Variants in GPC6 observed in about 807,000 individuals in gnomAD.
The protein encoded by GPC6 is glypican 6, also known as glypican-6.
In GPC6, 14 loss-of-function variants were observed where a neutral mutation model predicts 55.2. The observed-to-expected ratio is 0.25, with a 90% CI of 0.17 to 0.40. GPC6 has a LOEUF of 0.40. GPC6 is among the 10% of genes least tolerant of loss of function. The pLI is 1.00. For missense variants in GPC6, 641 were observed against 708.5 expected, an observed-to-expected ratio of 0.90 and a Z score of 1.08; for synonymous variants, 278 against 259.6, an observed-to-expected ratio of 1.07 and a Z score of -0.68.
chr13:93,579,424 A>C lies in GPC6; in HGVS notation c.319+34003A>C, dbSNP rs887646914. Among the ~76,000 whole-genome samples the C allele has an allele frequency of 4.6e-5, 7 of 152,178 alleles. No homozygotes were observed. The East Asian group carries it at 1.4e-3, about 29-fold the overall frequency. ...TAAAAATAGCTCAGAAATATAATAT[A>C]GGAAAAGAAGAAGAAGGAGGAGAAA... On this transcript the variant is annotated intron_variant, in intron 2 of 8. Transcript: ENST00000377047.
chr13:94,090,600 T>C (rs766582206), intron 4 of GPC6, among the ~76,000 whole-genome samples: 5 of 152,220 alleles, frequency 3.3e-5, no homozygotes, highest in Non-Finnish European at 7.3e-5. Flanking sequence ...ATTTGCAAAC[T>C]GTTCTTTTGT....
At chr13:93,318,480 T>G (rs1302375868) in intron 1 of GPC6, among the ~76,000 whole-genome samples, 1 of 152,094 alleles carries the variant, frequency 6.6e-6, no homozygotes, top group Non-Finnish European at 1.5e-5. Context: ...CATGGTAACA[T>G]GAGCAAATAT....
chr13:93,939,067 A>C (rs1384110488), intron 3 of GPC6, among the ~76,000 whole-genome samples: 1 of 152,100 alleles, frequency 6.6e-6, no homozygotes, highest in African/African-American at 2.4e-5. Flanking sequence ...GTGCCACTGC[A>C]CTCTGGCCTG....
At chr13:94,354,347 A>G (rs1220184144) in intron 6 of GPC6, among the ~76,000 whole-genome samples, 1 of 143,852 alleles carries the variant, frequency 7.0e-6, no homozygotes, top group Non-Finnish European at 1.5e-5. Context: ...CAAAAAAGAT[A>G]CAAAAAAAAA....
intron 2 of GPC6, among the ~76,000 whole-genome samples, chr13:93,642,062 A>G (rs982926517): frequency 6.6e-6 from 1 of 152,008 alleles, no homozygotes; most frequent in Admixed American, 6.6e-5. Flanking sequence ...GCTATATTGC[A>G]TGATATTGAG....
chr13:93,742,930 A>T (rs1884259579), intron 2 of GPC6, among the ~76,000 whole-genome samples: 1 of 123,288 alleles, frequency 8.1e-6, no homozygotes, highest in Non-Finnish European at 1.8e-5. Flanking sequence ...CACTATGGAA[A>T]AATGAGTGGG....
At chr13:93,237,009 A>G (rs571837712) in intron 1 of GPC6, among the ~76,000 whole-genome samples, 1 of 152,002 alleles carries the variant, frequency 6.6e-6, no homozygotes, top group South Asian at 2.1e-4. Context: ...TGCAATTGTG[A>G]GTTGTGTTGT....
At chr13:93,658,704 T>C (rs1378384970) in intron 2 of GPC6, among the ~76,000 whole-genome samples, 1 of 151,836 alleles carries the variant, frequency 6.6e-6, no homozygotes, top group Non-Finnish European at 1.5e-5. Flanking sequence ...ATATTGTCAG[T>C]ATTTAGTTAT....
chr13:93,228,010 G>A (rs1463406298), intron 1 of GPC6, among the ~76,000 whole-genome samples: 1 of 152,178 alleles, frequency 6.6e-6, no homozygotes, highest in African/African-American at 2.4e-5. Context: ...TGGAAGAACT[G>A]CGACCGCAGT....
intron 2 of GPC6, among the ~76,000 whole-genome samples, chr13:93,685,109 A>G (rs1338893952): frequency 6.6e-6 from 1 of 152,226 alleles, no homozygotes; most frequent in Non-Finnish European, 1.5e-5. Context: ...GTTACTACAG[A>G]GAACTATTTT....
At chr13:94,162,454 G>T (rs1888201316) in intron 4 of GPC6, among the ~76,000 whole-genome samples, 1 of 152,168 alleles carries the variant, frequency 6.6e-6, no homozygotes, top group African/African-American at 2.4e-5. Context: ...TTCTGTCTCA[G>T]AATGGGACTG....
At chr13:93,699,030 C>T (rs1318117441) in intron 2 of GPC6, among the ~76,000 whole-genome samples, 1 of 151,990 alleles carries the variant, frequency 6.6e-6, no homozygotes, top group Non-Finnish European at 1.5e-5. Flanking sequence ...TTAATGGGAA[C>T]GAAGTAGAAT....
chr13:94,146,649 A>G (rs1887571779), intron 4 of GPC6, among the ~76,000 whole-genome samples: 1 of 152,164 alleles, frequency 6.6e-6, no homozygotes, highest in Non-Finnish European at 1.5e-5. Context: ...CCAGGATCAT[A>G]AATCAACTCC....
chr13:94,340,775 G>A (rs570269600), intron 6 of GPC6, among the ~76,000 whole-genome samples: 13 of 152,162 alleles, frequency 8.5e-5, no homozygotes, highest in African/African-American at 1.4e-4. Flanking sequence ...GTTTCTTTTC[G>A]TTTACAATGA....
intron 5 of GPC6, among the ~76,000 whole-genome samples, chr13:94,293,548 G>T (rs930475945): frequency 2.0e-5 from 3 of 152,278 alleles, no homozygotes; most frequent in Middle Eastern, 3.4e-3. Flanking sequence ...CCAGTCTTGG[G>T]CAGTTCTTGA....
intron 3 of GPC6, among the ~76,000 whole-genome samples, chr13:93,886,721 C>A (rs1468313140): frequency 6.6e-6 from 1 of 151,046 alleles, no homozygotes; most frequent in Non-Finnish European, 1.5e-5. Context: ...AGTTTGATGT[C>A]CATACATTGC....
intron 1 of GPC6, among the ~76,000 whole-genome samples, chr13:93,475,472 C>G (rs530893537): frequency 1.3e-5 from 2 of 152,094 alleles, no homozygotes; most frequent in South Asian, 4.1e-4. Flanking sequence ...TTTCTATTTT[C>G]TATAGAAAAT....
At chr13:94,107,625 C>T (rs1455288922) in intron 4 of GPC6, among the ~76,000 whole-genome samples, 1 of 147,370 alleles carries the variant, frequency 6.8e-6, no homozygotes, top group Non-Finnish European at 1.5e-5. Context: ...TGAGTTCTAG[C>T]TTCCGAGGCT....
intron 2 of GPC6, among the ~76,000 whole-genome samples, chr13:93,826,200 C>A (rs1436707757): frequency 6.6e-6 from 1 of 152,130 alleles, no homozygotes; most frequent in Non-Finnish European, 1.5e-5. Context: ...CCATGTCAGC[C>A]CCTCCTATGG....
Sources: allele counts gnomAD v4.1 joint callset (sites outside exome capture counted in the v4.1 genomes callset), GRCh38; gene constraint gnomAD v4.1.1; transcripts MANE v1.5; gene names NCBI Gene and HGNC (gene_info 2026-07-23, HGNC 2026-07-21).